Variants in KAZN observed in about 807,000 individuals in gnomAD.
KAZN encodes kazrin, periplakin interacting protein, also known as kazrin.
Under a neutral mutation model 87.4 loss-of-function variants are expected in KAZN, and 40 were observed. The observed-to-expected ratio is 0.46, with a 90% CI of 0.36 to 0.60. KAZN has a LOEUF of 0.60. Among genes scored for constraint, KAZN ranks in the 20% least tolerant of loss-of-function variants. The pLI is 0.00. For synonymous variants in KAZN, 466 were observed against 458.3 expected, an observed-to-expected ratio of 1.02 and a Z score of -0.22; for missense variants, 898 against 1,073.9, an observed-to-expected ratio of 0.84 and a Z score of 2.29.
intron 1 of KAZN, among the ~76,000 whole-genome samples, chr1:14,764,194 C>A (rs983862747): frequency 6.6e-6 from 1 of 152,080 alleles, no homozygotes; most frequent in Non-Finnish European, 1.5e-5. Flanking sequence ...ATTCCCGGGG[C>A]ACTGAGGGCT....
intron 2 of KAZN, among the ~76,000 whole-genome samples, chr1:14,580,671 C>T (rs565470548): frequency 6.6e-6 from 1 of 152,148 alleles, no homozygotes; most frequent in African/African-American, 2.4e-5. Flanking sequence ...TTAATGGACA[C>T]CTACTCTGCT....
intron 1 of KAZN, among the ~76,000 whole-genome samples, chr1:14,873,357 A>G (rs1166251601): frequency 6.6e-6 from 1 of 152,270 alleles, no homozygotes; most frequent in Non-Finnish European, 1.5e-5. Flanking sequence ...TTCTAGTAGC[A>G]GTAAGCACTA....
At chr1:13,984,074 G>T (rs1350628160) in intron 1 of KAZN, among the ~76,000 whole-genome samples, 3 of 151,880 alleles carry the variant, frequency 2.0e-5, no homozygotes, top group African/African-American at 7.3e-5. Context: ...GCAGTGATGT[G>T]ATCTCCGCTC....
At chr1:14,045,635 G>C (rs192604764) in intron 1 of KAZN, among the ~76,000 whole-genome samples, 26 of 152,292 alleles carry the variant, frequency 1.7e-4, no homozygotes, top group Admixed American at 1.4e-3. Flanking sequence ...CCAGCCCATG[G>C]TGGGGTGTGT....
At chr1:13,969,149 A>G (rs1642049000) in intron 1 of KAZN, among the ~76,000 whole-genome samples, 1 of 152,212 alleles carries the variant, frequency 6.6e-6, no homozygotes, top group African/African-American at 2.4e-5. Flanking sequence ...TTCTGCCCTC[A>G]GGAAGTTTAT....
chr1:13,997,526 T>G (rs1303360924), intron 1 of KAZN, among the ~76,000 whole-genome samples: 1 of 151,844 alleles, frequency 6.6e-6, no homozygotes, highest in Non-Finnish European at 1.5e-5. Flanking sequence ...GGAGCATAAA[T>G]GACCTAATGG....
chr1:14,167,549 C>A (rs1645857710), intron 1 of KAZN, among the ~76,000 whole-genome samples: 1 of 152,012 alleles, frequency 6.6e-6, no homozygotes, highest in Non-Finnish European at 1.5e-5. Context: ...ATGGGGAAAC[C>A]CCATCTCTAC....
chr1:14,796,693 T>C (rs1737350), intron 1 of KAZN, among the ~76,000 whole-genome samples: 56,650 of 152,160 alleles, frequency 0.37, 11,452 homozygotes, highest in East Asian at 0.7. Flanking sequence ...AGACTCTCCA[T>C]TGGGTGTTTC....
intron 1 of KAZN, among the ~76,000 whole-genome samples, chr1:14,169,349 C>A (rs1645900688): frequency 6.6e-6 from 1 of 152,144 alleles, no homozygotes; most frequent in African/African-American, 2.4e-5. Flanking sequence ...GTCTCTCCAG[C>A]TGTCTTTCCC....
chr1:14,384,780 T>C (rs1405227292), intron 2 of KAZN, among the ~76,000 whole-genome samples: 5 of 151,916 alleles, frequency 3.3e-5, no homozygotes, highest in Admixed American at 3.3e-4. Context: ...AAATTCTCTT[T>C]TTTGGTTGTG....
At chr1:14,754,975 C>T (rs908013210) in intron 1 of KAZN, among the ~76,000 whole-genome samples, 1 of 151,722 alleles carries the variant, frequency 6.6e-6, no homozygotes, top group East Asian at 1.9e-4. Context: ...GGCCCAGTGG[C>T]TCACATCTAT....
chr1:14,621,524 G>T (rs1376977347), intron 1 of KAZN, among the ~76,000 whole-genome samples: 1 of 152,162 alleles, frequency 6.6e-6, no homozygotes, highest in Non-Finnish European at 1.5e-5. Flanking sequence ...ACTCCCCAAG[G>T]TCACTTTGCT....
upstream of KAZN, among the ~76,000 whole-genome samples, chr1:14,595,511 C>G (rs529987954): frequency 4.0e-5 from 6 of 151,658 alleles, no homozygotes; most frequent in Middle Eastern, 3.4e-3. Flanking sequence ...AACCCTGTCT[C>G]TACTAAAAAT....
Position 15,094,466 on chromosome 1 carries a change from A to G in KAZN, c.1428+81A>G. On this transcript the variant is annotated intron_variant, in intron 9 of 14. Coordinates refer to ENST00000376030, the MANE Select transcript of KAZN (RefSeq NM_201628.3). The surrounding 1 kb of genome is among the most constrained non-coding windows in gnomAD (Gnocchi z 4.5). ...GTACCCAGAAGCTGGCCTGCCCCCC[A>G]CTCCTACCCTGGAGTCAGGAGAAGG... 2.3e-6 allele frequency: 3 copies of G among 1,313,886 alleles called. No homozygotes were observed. Among genetic ancestry groups the G allele is most frequent in the Non-Finnish European group, 3.2e-6 (3 of 946,162 alleles). The allele number at this position is 1,313,886 out of a possible 1,614,324, so 81.4% of individuals were successfully genotyped here. A position where few individuals can be genotyped will look rare whatever the true frequency, so the allele number is the denominator to read the frequency against.
intron 2 of KAZN, among the ~76,000 whole-genome samples, chr1:14,310,634 A>T (rs890319846): frequency 3.3e-5 from 5 of 152,212 alleles, no homozygotes; most frequent in Non-Finnish European, 5.9e-5. Context: ...CAACTTCTGC[A>T]AATAAAAGAT....
intron 2 of KAZN, among the ~76,000 whole-genome samples, chr1:14,514,144 C>A (rs1173383250): frequency 2.0e-5 from 3 of 146,400 alleles, no homozygotes; most frequent in Non-Finnish European, 4.5e-5. Context: ...CACAGTGAAA[C>A]CCCGTCTCTA....
At chr1:14,893,138 C>G (rs1654896578) in intron 1 of KAZN, among the ~76,000 whole-genome samples, 1 of 152,128 alleles carries the variant, frequency 6.6e-6, no homozygotes, top group Non-Finnish European at 1.5e-5. Flanking sequence ...GAGGCCGAGG[C>G]AGGTGGATCA....
chr1:14,040,520 G>A (rs1429390313), intron 1 of KAZN, among the ~76,000 whole-genome samples: 1 of 152,166 alleles, frequency 6.6e-6, no homozygotes, highest in Non-Finnish European at 1.5e-5. Flanking sequence ...CCAGCACTTT[G>A]GGAGGCCAAG....
chr1:14,224,325 A>G (rs1647186460), intron 2 of KAZN, among the ~76,000 whole-genome samples: 1 of 152,212 alleles, frequency 6.6e-6, no homozygotes, highest in Admixed American at 6.5e-5. Flanking sequence ...CATGTCAGGA[A>G]CAACCAAAGA....
Sources: gnomAD v4.1 joint callset for allele counts (sites outside exome capture counted in the v4.1 genomes callset) on GRCh38, gnomAD v4.1.1 for gene constraint, Gnocchi (gnomAD v3.1) non-coding constraint, MANE v1.5 for transcripts, NCBI Gene and HGNC (gene_info 2026-07-23, HGNC 2026-07-21) for gene names.